HIVEP2: variants seen among roughly 807,000 people sequenced by gnomAD.
HIVEP2 encodes transcription factor HIVEP2.
In HIVEP2, 14 loss-of-function variants were observed where a neutral mutation model predicts 180.7. The ratio of observed to expected loss-of-function variants is 0.08; its 90% CI spans 0.05 to 0.12. The LOEUF (loss-of-function observed/expected upper bound fraction) is 0.12, where lower values mean the gene tolerates loss of function less well. Among genes scored for constraint, HIVEP2 ranks in the 10% least tolerant of loss-of-function variants. The probability of loss-of-function intolerance (pLI) is 1.00; values close to 1 mark genes in which losing one functional copy is unlikely to be tolerated. For synonymous variants in HIVEP2, 1,184 were observed against 1,136.4 expected, an observed-to-expected ratio of 1.04 and a Z score of -0.84; for missense variants, 2,579 against 3,008.5, an observed-to-expected ratio of 0.86 and a Z score of 3.34.
At chr6:142,871,750 T>G (rs1007024168) in intron 1 of HIVEP2, among the ~76,000 whole-genome samples, 2 of 152,160 alleles carry the variant, frequency 1.3e-5, no homozygotes, top group Non-Finnish European at 2.9e-5. Flanking sequence ...TATAATGACT[T>G]AGTTTGCCTA....
intron 1 of HIVEP2, among the ~76,000 whole-genome samples, chr6:142,846,070 G>C (rs758687806): frequency 6.6e-6 from 1 of 152,208 alleles, no homozygotes; most frequent in Non-Finnish European, 1.5e-5. Flanking sequence ...AGCCTGGCCT[G>C]AGGACAGCCT....
At chr6:142,936,938 T>A (rs1336896932) in intron 1 of HIVEP2, among the ~76,000 whole-genome samples, 3 of 152,146 alleles carry the variant, frequency 2.0e-5, no homozygotes, top group Non-Finnish European at 4.4e-5. Flanking sequence ...TAAATTTTTT[T>A]AGAATTAAAG....
At chr6:142,915,373 A>G (rs1777525379) in intron 1 of HIVEP2, among the ~76,000 whole-genome samples, 1 of 152,204 alleles carries the variant, frequency 6.6e-6, no homozygotes, top group Non-Finnish European at 1.5e-5. Flanking sequence ...GACTACAGTA[A>G]TGAGGAGCCC....
In HIVEP2 at chr6:142,761,702, T is replaced by A. The variant is rs551024376; in HGVS notation, c.5519-137A>T. On this transcript the variant is annotated intron_variant, in intron 7 of 9. Transcript: ENST00000367603. ...GTAACACAGATTTGTTTCTACCCAC[T>A]ACCCCTTGTTTCAACCTTAAGAAGA... 6.1e-6 allele frequency: 4 copies of A among 655,160 alleles called. No individual in the cohort carries two copies. The African/African-American group carries it at 7.2e-5, about 12-fold the overall frequency. The allele number at this position is 655,160 out of a possible 1,614,324, so 40.6% of individuals were successfully genotyped here. A position where few individuals can be genotyped will look rare whatever the true frequency, so the allele number is the denominator to read the frequency against.
chr6:142,918,336 G>A (rs1222234553), intron 1 of HIVEP2, among the ~76,000 whole-genome samples: 5 of 152,164 alleles, frequency 3.3e-5, no homozygotes, highest in African/African-American at 7.2e-5. Flanking sequence ...CTGAGCCATC[G>A]CTCACAGCCC....
chr6:142,882,371 G>A (rs2128417132), intron 1 of HIVEP2, among the ~76,000 whole-genome samples: 1 of 152,284 alleles, frequency 6.6e-6, no homozygotes, highest in South Asian at 2.1e-4. Context: ...AGCATGCTGG[G>A]AGGCCAAGGT....
At chr6:142,873,043 G>C (rs1392088510) in intron 1 of HIVEP2, among the ~76,000 whole-genome samples, 2 of 152,118 alleles carry the variant, frequency 1.3e-5, no homozygotes, top group Non-Finnish European at 2.9e-5. Flanking sequence ...CCCCTCACAA[G>C]AAGAATCTGC....
At chr6:142,924,420 T>C (rs1037899599) in intron 1 of HIVEP2, among the ~76,000 whole-genome samples, 2 of 152,188 alleles carry the variant, frequency 1.3e-5, no homozygotes, top group African/African-American at 4.8e-5. Context: ...TTTATTTATG[T>C]AGTTCATTGG....
chr6:142,868,182 T>C (rs997375755), intron 1 of HIVEP2, among the ~76,000 whole-genome samples: 5 of 152,196 alleles, frequency 3.3e-5, no homozygotes, highest in African/African-American at 9.6e-5. Context: ...CAGCTGATGA[T>C]TGATGAAGGG....
intron 1 of HIVEP2, among the ~76,000 whole-genome samples, chr6:142,930,047 T>C (rs1212384780): frequency 1.3e-5 from 2 of 152,176 alleles, no homozygotes; most frequent in African/African-American, 4.8e-5. Context: ...TTGTTGTTTT[T>C]CCAGAAAACT....
chr6:142,876,903 G>C (rs998513409), intron 1 of HIVEP2, among the ~76,000 whole-genome samples: 1 of 151,830 alleles, frequency 6.6e-6, no homozygotes, highest in East Asian at 1.9e-4. Context: ...GCAAACATTA[G>C]TTGAGCGTGG....
rs753536309 is a variant in HIVEP2 at position 142,771,220 on chromosome 6, T to G, written c.3519A>C (p.Gln1173His). Residue 1173 changes from glutamine to histidine, a missense_variant, in exon 5 of 10, where the codon CAA (glutamine) becomes CAC (histidine). Coordinates refer to ENST00000367603, the MANE Select transcript of HIVEP2 (RefSeq NM_006734.4). This position sits in a 1 kb window ranked among gnomAD's most constrained non-coding sequence, Gnocchi z 5.4. The stretch of plus-strand genomic sequence containing the variant: ...GCTTGCTTGTCATATAGGATGTTGG[T>G]TGGATCAAGGGATTTCTCAAAGATT... Reference protein sequence around the residue: ...SQESLRNPLIQPTSYMTSKHL... With the variant: ...SQESLRNPLIHPTSYMTSKHL... 1 of 1,614,018 alleles carries G rather than the reference T, an allele frequency of 6.2e-7. No individual in the cohort carries two copies. Among genetic ancestry groups the G allele is most frequent in the African/African-American group, 1.3e-5 (1 of 74,932 alleles).
chr6:142,873,449 A>G (rs188221237), intron 1 of HIVEP2, among the ~76,000 whole-genome samples: 264 of 152,320 alleles, frequency 1.7e-3, no homozygotes, highest in Non-Finnish European at 2.9e-3. Flanking sequence ...TGACTAGTAA[A>G]TGAGGTACAC....
intron 1 of HIVEP2, among the ~76,000 whole-genome samples, chr6:142,918,610 G>A (rs905549289): frequency 6.6e-6 from 1 of 152,176 alleles, no homozygotes; most frequent in African/African-American, 2.4e-5. Context: ...TCTTCAGAAC[G>A]TGATACCCTG....
intron 1 of HIVEP2, among the ~76,000 whole-genome samples, chr6:142,879,359 T>G (rs540579527): frequency 6.6e-6 from 1 of 152,262 alleles, no homozygotes; most frequent in East Asian, 1.9e-4. Flanking sequence ...ACTTACACTA[T>G]CCAGCAGGGA....
At chr6:142,796,287 T>G (rs1776276834) in intron 2 of HIVEP2, among the ~76,000 whole-genome samples, 1 of 152,082 alleles carries the variant, frequency 6.6e-6, no homozygotes, top group South Asian at 2.1e-4. Context: ...AGGATGTTGA[T>G]CTTACCCCTA....
chr6:142,768,604 T>A, intron 5 of HIVEP2, 68 bp from the exon 6 acceptor site: 7 of 1,468,926 alleles, frequency 4.8e-6, no homozygotes, highest in Non-Finnish European at 6.5e-6. Context: ...TATGTCCCAC[T>A]CTTCCATCAT....
chr6:142,763,235 G>A (rs1444820879), intron 7 of HIVEP2, among the ~76,000 whole-genome samples: 1 of 152,162 alleles, frequency 6.6e-6, no homozygotes, highest in Non-Finnish European at 1.5e-5. Context: ...CAGAAGTAAT[G>A]TATAAGGACA....
At chr6:142,817,102 G>A (rs533081613) in intron 2 of HIVEP2, among the ~76,000 whole-genome samples, 2 of 152,280 alleles carry the variant, frequency 1.3e-5, no homozygotes, top group South Asian at 2.1e-4. Context: ...TTTGATCCTG[G>A]ATTCTAAAGA....
Sources: gnomAD v4.1 joint callset for allele counts (sites outside exome capture counted in the v4.1 genomes callset) on GRCh38, gnomAD v4.1.1 for gene constraint, Gnocchi (gnomAD v3.1) non-coding constraint, MANE v1.5 for transcripts, NCBI Gene and HGNC (gene_info 2026-07-23, HGNC 2026-07-21) for gene names.